Variants in RELN observed in about 807,000 individuals in gnomAD.
The protein encoded by RELN is reelin.
Under a neutral mutation model 427.6 loss-of-function variants are expected in RELN, and 108 were observed. That is an observed-to-expected ratio of 0.25 (90% CI 0.22 to 0.30). The LOEUF is 0.30. Ranked by LOEUF, RELN falls within the 10% of genes least tolerant of loss-of-function variation. The pLI is 1.00. For synonymous variants in RELN, 1,524 were observed against 1,513.4 expected (o/e 1.01, Z -0.16); for missense variants, 3,715 against 4,302.8 (o/e 0.86, Z 3.82).
At chr7:103,574,336 T>C (rs1830949865) in intron 29 of RELN, 37 bp from the exon 30 acceptor site, 1 of 1,574,258 alleles carries the variant, frequency 6.4e-7, no homozygotes. Context: ...GATGCTTTGT[T>C]GGAATCATTC....
At chr7:103,717,772 A>G (rs1310002967) in intron 8 of RELN, among the ~76,000 whole-genome samples, 2 of 151,986 alleles carry the variant, frequency 1.3e-5, no homozygotes, top group African/African-American at 4.8e-5. Context: ...CACCAGGGAG[A>G]GTGATTCTGG....
intron 28 of RELN, among the ~76,000 whole-genome samples, chr7:103,585,471 T>C (rs1321788404): frequency 6.6e-6 from 1 of 152,154 alleles, no homozygotes; most frequent in Admixed American, 6.5e-5. Context: ...GATAAATTCC[T>C]GGAAACATAC....
At chr7:103,725,570 A>G (rs958587458) in intron 7 of RELN, among the ~76,000 whole-genome samples, 3 of 152,192 alleles carry the variant, frequency 2.0e-5, no homozygotes, top group Admixed American at 6.5e-5. Flanking sequence ...CTTGTCTTAA[A>G]ACATAATAGT....
At chr7:103,908,804 G>A (rs1362156380) in intron 2 of RELN, among the ~76,000 whole-genome samples, 1 of 152,144 alleles carries the variant, frequency 6.6e-6, no homozygotes, top group African/African-American at 2.4e-5. Context: ...AAGACCAAAT[G>A]TAAGTTAATA....
rs141282333 is a variant in RELN at position 103,747,378 on chromosome 7, C to T, written c.656+2048G>A. ...TATATATATGTGTAACAAACCTGCA[C>T]GTTGTGCACATGTACCCTAAAACTT... On this transcript the variant is annotated intron_variant, in intron 6 of 64. Transcript: ENST00000428762. Among the ~76,000 whole-genome samples the T allele has an allele frequency of 3.8e-3, 570 of 151,728 alleles. 7 individuals are homozygous for T. The highest frequency in any genetic ancestry group is 0.013 in the African/African-American group (542 of 41,272).
At chr7:103,920,957 C>A (rs1044776908) in intron 1 of RELN, among the ~76,000 whole-genome samples, 4 of 152,122 alleles carry the variant, frequency 2.6e-5, no homozygotes, top group Non-Finnish European at 4.4e-5. Flanking sequence ...GTGGTAAATG[C>A]ACTTCCAGTG....
rs977119417 is a variant in RELN, at chr7:103,644,401, G to T, written c.2003-3792C>A. Among the ~76,000 whole-genome samples the T allele has an allele frequency of 2.0e-5, 3 of 147,564 alleles. 1 individual carries two copies. The highest frequency in any genetic ancestry group is 7.4e-5 in the African/African-American group (3 of 40,526). On this transcript the variant is annotated intron_variant, in intron 16 of 64. Coordinates refer to ENST00000428762, the MANE Select transcript of RELN (RefSeq NM_005045.4). Reference sequence around the variant, plus strand: ...AATGACAAATTTACCAAAGATATAAGTATGTCTTTTTTTTTTTTTTTAGAA... The same window carrying T: ...AATGACAAATTTACCAAAGATATAATTATGTCTTTTTTTTTTTTTTTAGAA...
intron 1 of RELN, among the ~76,000 whole-genome samples, chr7:103,979,183 C>T (rs970575803): frequency 1.3e-5 from 2 of 152,204 alleles, no homozygotes; most frequent in African/African-American, 4.8e-5. Context: ...AATCTCTCCT[C>T]GGCCCTTTTA....
intron 1 of RELN, among the ~76,000 whole-genome samples, chr7:103,934,014 T>C (rs3735630): frequency 0.51 from 77,740 of 151,926 alleles, 20,237 homozygotes; most frequent in East Asian, 0.75. Flanking sequence ...CAGCCAAAAA[T>C]CTTCGGTTCT....
At chr7:103,659,789 T>G (rs899517799) in intron 12 of RELN, among the ~76,000 whole-genome samples, 1 of 152,212 alleles carries the variant, frequency 6.6e-6, no homozygotes, top group Non-Finnish European at 1.5e-5. Context: ...TTTGGCAGTT[T>G]TGAGTGCTTT....
chr7:103,682,390 A>G (rs1348653800), intron 10 of RELN, 129 bp from the exon 11 acceptor site: 2 of 939,052 alleles, frequency 2.1e-6, no homozygotes, highest in South Asian at 1.4e-5. Flanking sequence ...CTCTCAAATC[A>G]AAAGAGCTTG....
intron 4 of RELN, among the ~76,000 whole-genome samples, chr7:103,759,990 CTTTTTTTTT>C (rs57019839): frequency 2.2e-4 from 14 of 64,936 alleles, no homozygotes; most frequent in South Asian, 1.1e-3. Flanking sequence ...CACAGTCATA[CTTTTTTTTT>C]TTTTTTTTTT....
intron 28 of RELN, among the ~76,000 whole-genome samples, chr7:103,584,810 G>C (rs1387177174): frequency 6.6e-6 from 1 of 152,194 alleles, no homozygotes; most frequent in African/African-American, 2.4e-5. Context: ...CATATGCTAG[G>C]CCACAAAGCA....
At chr7:103,869,609 T>A (rs1279160112) in intron 2 of RELN, among the ~76,000 whole-genome samples, 1 of 152,134 alleles carries the variant, frequency 6.6e-6, no homozygotes, top group African/African-American at 2.4e-5. Context: ...TTCCATTGTT[T>A]CTGATACGAA....
chr7:103,557,675 T>C (rs1196995618), intron 37 of RELN, among the ~76,000 whole-genome samples: 1 of 152,202 alleles, frequency 6.6e-6, no homozygotes, highest in Admixed American at 6.5e-5. Flanking sequence ...AAATTTCTTT[T>C]AGTTAGAAAG....
intron 2 of RELN, among the ~76,000 whole-genome samples, chr7:103,892,141 A>T (rs1794864000): frequency 6.6e-6 from 1 of 152,206 alleles, no homozygotes; most frequent in Non-Finnish European, 1.5e-5. Flanking sequence ...GACAGTTAAG[A>T]AGAAGTCACA....
chr7:103,708,288 C>G (rs1789678921), intron 8 of RELN, among the ~76,000 whole-genome samples: 2 of 152,016 alleles, frequency 1.3e-5, no homozygotes, highest in Non-Finnish European at 2.9e-5. Context: ...ACTCAAAAGC[C>G]TAGTTGCTGT....
intron 48 of RELN, among the ~76,000 whole-genome samples, chr7:103,520,394 G>C (rs7788128): frequency 0.17 from 26,071 of 151,758 alleles, 2,260 homozygotes; most frequent in East Asian, 0.26. Flanking sequence ...TCTTGCCTCC[G>C]CCTCCCGAGT....
At chr7:103,790,779 T>C (rs952594717) in intron 3 of RELN, among the ~76,000 whole-genome samples, 2 of 152,000 alleles carry the variant, frequency 1.3e-5, no homozygotes, top group African/African-American at 2.4e-5. Context: ...CTGGCCAATA[T>C]GGTGAAACCC....
Sources: gnomAD v4.1 joint callset for allele counts (sites outside exome capture counted in the v4.1 genomes callset) on GRCh38, gnomAD v4.1.1 for gene constraint, MANE v1.5 for transcripts, NCBI Gene and HGNC (gene_info 2026-07-23, HGNC 2026-07-21) for gene names.